PPFIA2: variants seen among roughly 807,000 people sequenced by gnomAD.
PPFIA2 encodes liprin-alpha-2.
A neutral mutation model predicts 175.5 loss-of-function variants in PPFIA2; 46 were observed. That is an observed-to-expected ratio of 0.26 (90% CI 0.21 to 0.34). The LOEUF (loss-of-function observed/expected upper bound fraction) is 0.34. PPFIA2 is among the 10% of genes least tolerant of loss of function. The pLI, the probability that PPFIA2 is intolerant of heterozygous loss-of-function variation, is 1.00. For missense variants in PPFIA2, 1,179 were observed against 1,506.1 expected (o/e 0.78, Z 3.60); for synonymous variants, 568 against 511.4 (o/e 1.11, Z -1.49).
intron 7 of PPFIA2, among the ~76,000 whole-genome samples, chr12:81,423,812 CA>C (rs2143987737): frequency 6.6e-6 from 1 of 152,104 alleles, no homozygotes; most frequent in South Asian, 2.1e-4. Flanking sequence ...AATCTGTATG[CA>C]AATGACATGA....
In PPFIA2 at chr12:81,361,200, T is replaced by G. The variant is rs1595548895; in HGVS notation, c.1637+1493A>C. ...TAGACAACACTTTGAAACTCTGTAT[T>G]TTGAGACATAAGGTCAAAAAAACAA... On this transcript the variant is annotated intron_variant, in intron 15 of 32. Transcript: ENST00000549396. Among the ~76,000 whole-genome samples the G allele has an allele frequency of 5.9e-5, 9 of 151,830 alleles. 1 individual carries two copies. In the South Asian group the frequency reaches 1.5e-3, roughly 24 times the overall value.
rs554911729 is a variant in PPFIA2, at chr12:81,720,204, C to G, written c.249+33769G>C. Reference sequence around the variant, plus strand: ...TAAAAGCAACTCCCTAATTGTTACTCTCTTCTGTGCAGAAACACTTGCTCT... The same window carrying G: ...TAAAAGCAACTCCCTAATTGTTACTGTCTTCTGTGCAGAAACACTTGCTCT... On this transcript the variant is annotated intron_variant, in intron 3 of 32. Transcript: ENST00000549396. 3.3e-5 allele frequency among the ~76,000 whole-genome samples: 5 copies of G among 151,566 alleles called. No individual in the cohort carries two copies. In the South Asian group the frequency reaches 6.2e-4, roughly 19 times the overall value.
chr12:81,447,898 A>G (rs1228536819), intron 5 of PPFIA2, among the ~76,000 whole-genome samples: 2 of 152,204 alleles, frequency 1.3e-5, no homozygotes, highest in African/African-American at 4.8e-5. Flanking sequence ...GCCATGGTTA[A>G]TTGGCATTAT....
intron 7 of PPFIA2, among the ~76,000 whole-genome samples, chr12:81,415,691 T>A (rs1024782754): frequency 2.7e-5 from 4 of 148,122 alleles, no homozygotes; most frequent in Non-Finnish European, 6.0e-5. Context: ...TAAAACAGAA[T>A]GATTCCAATA....
At chr12:81,369,440 A>G (rs970461346) in intron 11 of PPFIA2, 1 of 1,326,460 alleles carries the variant, frequency 7.5e-7, no homozygotes, top group Admixed American at 2.9e-5. Flanking sequence ...AGCCAAATGT[A>G]ACATGCAGAC....
chr12:81,613,606 G>T (rs1180420136), intron 4 of PPFIA2, among the ~76,000 whole-genome samples: 1 of 152,084 alleles, frequency 6.6e-6, no homozygotes, highest in Non-Finnish European at 1.5e-5. Context: ...AGAATTCTCA[G>T]TCTCTCATAC....
chr12:81,337,820 A>G (rs1488507711), intron 21 of PPFIA2, among the ~76,000 whole-genome samples: 1 of 152,166 alleles, frequency 6.6e-6, no homozygotes, highest in Non-Finnish European at 1.5e-5. Flanking sequence ...CATTTGGTCA[A>G]CCACTAGTTG....
At chr12:81,280,642 T>C (rs1051688381) in intron 27 of PPFIA2, among the ~76,000 whole-genome samples, 4 of 152,130 alleles carry the variant, frequency 2.6e-5, no homozygotes, top group African/African-American at 9.6e-5. Flanking sequence ...TATGGTATTA[T>C]AACAGACCCC....
intron 3 of PPFIA2, among the ~76,000 whole-genome samples, chr12:81,746,088 A>T (rs1312751709): frequency 6.9e-6 from 1 of 144,740 alleles, no homozygotes; most frequent in Non-Finnish European, 1.6e-5. Flanking sequence ...CTTGTGCCTC[A>T]CTTAATTAGC....
chr12:81,320,376 G>T (rs968568905), intron 22 of PPFIA2, among the ~76,000 whole-genome samples: 16 of 151,986 alleles, frequency 1.1e-4, no homozygotes, highest in African/African-American at 3.9e-4. Flanking sequence ...AGGATAAACT[G>T]CTTCTCGAGA....
chr12:81,598,136 A>G (rs1488063290), intron 4 of PPFIA2: 2 of 1,492,646 alleles, frequency 1.3e-6, no homozygotes. Context: ...ACTAGAGGGT[A>G]AAATGAAATC....
chr12:81,688,336 G>T (rs2074725858), intron 3 of PPFIA2, among the ~76,000 whole-genome samples: 1 of 151,768 alleles, frequency 6.6e-6, no homozygotes. Context: ...CTGAGAAGAA[G>T]AATTCAACAT....
At chr12:81,368,343 A>C (rs1451695083) in intron 13 of PPFIA2, among the ~76,000 whole-genome samples, 1 of 151,744 alleles carries the variant, frequency 6.6e-6, no homozygotes, top group Admixed American at 6.6e-5. Context: ...TGTAGGTATC[A>C]GTCACTTGAC....
intron 4 of PPFIA2, among the ~76,000 whole-genome samples, chr12:81,601,093 C>T (rs1011989425): frequency 6.6e-6 from 1 of 151,850 alleles, no homozygotes; most frequent in African/African-American, 2.4e-5. Context: ...TAAGAATACA[C>T]TTTCTTTTTC....
intron 4 of PPFIA2, among the ~76,000 whole-genome samples, chr12:81,507,367 A>T (rs546147334): frequency 6.6e-6 from 1 of 152,290 alleles, no homozygotes; most frequent in South Asian, 2.1e-4. Flanking sequence ...TTTTCAATCT[A>T]TATCTTATGA....
At chr12:81,663,759 G>A (rs573029676) in intron 4 of PPFIA2, among the ~76,000 whole-genome samples, 1 of 152,200 alleles carries the variant, frequency 6.6e-6, no homozygotes, top group Admixed American at 6.5e-5. Flanking sequence ...GAACAAAGCT[G>A]GAGGCATCAC....
intron 3 of PPFIA2, among the ~76,000 whole-genome samples, chr12:81,743,783 G>A (rs924220187): frequency 1.3e-5 from 2 of 150,812 alleles, no homozygotes; most frequent in Non-Finnish European, 3.0e-5. Context: ...GTGACAGCCA[G>A]CAGAATTTAG....
At chr12:81,643,538 G>A (rs978525463) in intron 4 of PPFIA2, among the ~76,000 whole-genome samples, 1 of 151,898 alleles carries the variant, frequency 6.6e-6, no homozygotes. Context: ...GATAAATATT[G>A]TTATAACCAA....
In PPFIA2 at chr12:81,452,226, T is replaced by C. The variant is rs1340804958; in HGVS notation, c.405+5539A>G. ...ATCTAAATCTTTTATTTTACTATGA[T>C]TCTGTAAGGATTTCTAAAACTATAT... On this transcript the variant is annotated intron_variant, in intron 5 of 32. Coordinates refer to ENST00000549396, the MANE Select transcript of PPFIA2 (RefSeq NM_003625.5). Among the ~76,000 whole-genome samples the C allele has an allele frequency of 2.0e-5, 3 of 152,298 alleles. No individual in the cohort carries two copies. In the East Asian group the frequency reaches 5.8e-4, roughly 29 times the overall value.
Sources: allele counts gnomAD v4.1 joint callset (sites outside exome capture counted in the v4.1 genomes callset), GRCh38; gene constraint gnomAD v4.1.1; transcripts MANE v1.5; gene names NCBI Gene and HGNC (gene_info 2026-07-23, HGNC 2026-07-21).